SEMA5A: variants seen among roughly 807,000 people sequenced by gnomAD.
SEMA5A encodes the protein semaphorin 5A, also known as semaphorin-5A.
In SEMA5A, 55 loss-of-function variants were observed where a neutral mutation model predicts 135.5. That is an observed-to-expected ratio of 0.41 (90% CI 0.33 to 0.51). SEMA5A has a LOEUF of 0.51. Among genes scored for constraint, SEMA5A ranks in the 20% least tolerant of loss-of-function variants. The pLI is 0.37. For missense variants in SEMA5A, 1,290 were observed against 1,419.9 expected (o/e 0.91, Z 1.47); for synonymous variants, 580 against 546.5 (o/e 1.06, Z -0.85).
intron 8 of SEMA5A, among the ~76,000 whole-genome samples, chr5:9,206,213 T>C (rs771108085): frequency 1.3e-5 from 2 of 152,180 alleles, no homozygotes; most frequent in Non-Finnish European, 2.9e-5. Flanking sequence ...TGTTGCTAAC[T>C]AAATCACAGT....
At chr5:9,248,147 C>T (rs1748572141) in intron 5 of SEMA5A, among the ~76,000 whole-genome samples, 1 of 152,068 alleles carries the variant, frequency 6.6e-6, no homozygotes, top group Non-Finnish European at 1.5e-5. Context: ...TTGATAAGAG[C>T]TCCATCTAAG....
intron 5 of SEMA5A, among the ~76,000 whole-genome samples, chr5:9,238,409 G>A (rs2150454033): frequency 6.6e-6 from 1 of 152,220 alleles, no homozygotes; most frequent in Admixed American, 6.5e-5. Flanking sequence ...GATAGCTCAT[G>A]CAAAGAACAT....
intron 1 of SEMA5A, among the ~76,000 whole-genome samples, chr5:9,542,519 T>C (rs1738149796): frequency 6.6e-6 from 1 of 152,242 alleles, no homozygotes; most frequent in South Asian, 2.1e-4. Context: ...AGACACTTTG[T>C]ACTTAGTTGT....
At chr5:9,268,494 C>A (rs1749795864) in intron 5 of SEMA5A, among the ~76,000 whole-genome samples, 1 of 152,064 alleles carries the variant, frequency 6.6e-6, no homozygotes, top group South Asian at 2.1e-4. Context: ...TTTTTGGCAA[C>A]ACAGTTCAGA....
chr5:9,474,343 G>A (rs1759590079), intron 1 of SEMA5A, among the ~76,000 whole-genome samples: 1 of 152,126 alleles, frequency 6.6e-6, no homozygotes, highest in South Asian at 2.1e-4. Context: ...CTGGCTTAAA[G>A]GGATTCTGGG....
At chr5:9,341,286 C>T (rs1753642439) in intron 3 of SEMA5A, among the ~76,000 whole-genome samples, 1 of 151,918 alleles carries the variant, frequency 6.6e-6, no homozygotes, top group Non-Finnish European at 1.5e-5. Context: ...GCTCAGCAAG[C>T]TTAGTAACAG....
At chr5:9,452,744 A>G (rs1758692842) in intron 1 of SEMA5A, among the ~76,000 whole-genome samples, 1 of 152,192 alleles carries the variant, frequency 6.6e-6, no homozygotes, top group Non-Finnish European at 1.5e-5. Context: ...TTCCCTACCC[A>G]GTTTGTTACT....
chr5:9,242,146 G>A (rs1190616177), intron 5 of SEMA5A, among the ~76,000 whole-genome samples: 3 of 152,256 alleles, frequency 2.0e-5, no homozygotes, highest in Non-Finnish European at 4.4e-5. Context: ...GGGTATGCAA[G>A]ACTATATCTT....
chr5:9,043,099 T>G, intron 22 of SEMA5A, 83 bp from the exon 23 acceptor site: 1 of 1,229,336 alleles, frequency 8.1e-7, no homozygotes, highest in South Asian at 1.3e-5. Flanking sequence ...ACTATTATGT[T>G]GAATTTGAGC....
intron 3 of SEMA5A, among the ~76,000 whole-genome samples, chr5:9,357,673 A>C (rs907201151): frequency 6.6e-6 from 1 of 152,222 alleles, no homozygotes; most frequent in African/African-American, 2.4e-5. Context: ...GGTTGGAGGA[A>C]CTATTATCCA....
intron 1 of SEMA5A, among the ~76,000 whole-genome samples, chr5:9,471,107 T>C (rs1759460307): frequency 6.6e-6 from 1 of 152,154 alleles, no homozygotes; most frequent in South Asian, 2.1e-4. Context: ...GCTTTCTGCC[T>C]TGGAAAAGGT....
At chr5:9,267,332 G>C (rs900889009) in intron 5 of SEMA5A, among the ~76,000 whole-genome samples, 17 of 152,168 alleles carry the variant, frequency 1.1e-4, no homozygotes, top group African/African-American at 3.4e-4. Flanking sequence ...GCTGTTGCCC[G>C]ATCCACTTGA....
intron 5 of SEMA5A, among the ~76,000 whole-genome samples, chr5:9,302,250 G>C (rs1264988634): frequency 6.6e-6 from 1 of 152,150 alleles, no homozygotes; most frequent in African/African-American, 2.4e-5. Context: ...TCAGGAATTA[G>C]ATATCTTTTG....
chr5:9,218,277 G>A (rs572185062), intron 8 of SEMA5A, among the ~76,000 whole-genome samples: 1 of 152,272 alleles, frequency 6.6e-6, no homozygotes, highest in Non-Finnish European at 1.5e-5. Flanking sequence ...GTGGTACTTT[G>A]TTTTAGCAAC....
In SEMA5A at chr5:9,410,776, C is replaced by T. The variant is rs78416631; in HGVS notation, c.-78+26980G>A. ...AGGTGCAGCAAAACACCATGGCCCA[C>T]GTATATCTGTGCAACAAACCTGCAC... On this transcript the variant is annotated intron_variant, in intron 2 of 22. Coordinates refer to ENST00000382496, the MANE Select transcript of SEMA5A (RefSeq NM_003966.3). 2.0e-5 allele frequency among the ~76,000 whole-genome samples: 3 copies of T among 151,072 alleles called. No homozygotes were observed. The East Asian group carries it at 5.9e-4, about 30-fold the overall frequency.
rs900275764 is a variant in SEMA5A at position 9,136,618 on chromosome 5, G to C, written c.1485C>G (p.Thr495=). ...AGTAAGGGTCCTGGGCCCCAATGCA[G>C]GTGCTGGAAACACACACCAAATGGT... ...KRCQFYRTRS[T]CIGAQDPYCG... is the part of the protein sequence containing the mutation. Residue 495 remains threonine (T), a synonymous_variant, in exon 13 of 23, where the codon ACC becomes ACG. Transcript: ENST00000382496. 1 of 1,613,534 alleles carries C rather than the reference G, an allele frequency of 6.2e-7. No individual in the cohort carries two copies. The highest frequency in any genetic ancestry group is 1.3e-5 in the African/African-American group (1 of 75,036).
chr5:9,265,069 T>C (rs1175782330), intron 5 of SEMA5A, among the ~76,000 whole-genome samples: 1 of 152,116 alleles, frequency 6.6e-6, no homozygotes, highest in East Asian at 1.9e-4. Context: ...TTAGGGAAAA[T>C]TCTTACTATG....
Position 9,459,005 on chromosome 5 carries a change from C to T in SEMA5A, c.-174-21153G>A, listed in dbSNP as rs144320746. Among the ~76,000 whole-genome samples the T allele has an allele frequency of 2.0e-5, 3 of 152,230 alleles. No individual in the cohort carries two copies. In the East Asian group the frequency reaches 5.8e-4, roughly 29 times the overall value. On this transcript the variant is annotated intron_variant, in intron 1 of 22. Coordinates refer to ENST00000382496, the MANE Select transcript of SEMA5A (RefSeq NM_003966.3). ...CAGCCAATAATTTGATCTATTTTCA[C>T]AAGAAAATATGAACCAGAATGATTT...
At chr5:9,319,977 T>A (rs1752555299) in intron 4 of SEMA5A, among the ~76,000 whole-genome samples, 1 of 152,084 alleles carries the variant, frequency 6.6e-6, no homozygotes, top group Admixed American at 6.5e-5. Context: ...AAAGCCCCCA[T>A]GGAAGCCGGC....
Sources: allele counts gnomAD v4.1 joint callset (sites outside exome capture counted in the v4.1 genomes callset), GRCh38; gene constraint gnomAD v4.1.1; transcripts MANE v1.5; gene names NCBI Gene and HGNC (gene_info 2026-07-23, HGNC 2026-07-21).